DNAH14: variants seen among roughly 807,000 people sequenced by gnomAD.
DNAH14 encodes the protein axonemal beta dynein heavy chain 14.
Under a neutral mutation model 520.9 loss-of-function variants are expected in DNAH14, and 478 were observed. The ratio of observed to expected loss-of-function variants is 0.92; its 90% CI spans 0.85 to 0.99. The LOEUF is 0.99. Ranked by LOEUF, DNAH14 falls within the 50% of genes least tolerant of loss-of-function variation. The probability of loss-of-function intolerance (pLI) is 0.00; values close to 1 mark genes in which losing one functional copy is unlikely to be tolerated. For missense variants in DNAH14, 4,831 were observed against 5,234.5 expected, an observed-to-expected ratio of 0.92 and a Z score of 2.38; for synonymous variants, 1,581 against 1,757.2, an observed-to-expected ratio of 0.90 and a Z score of 2.51.
chr1:225,308,016 G>A (rs1158751842), intron 59 of DNAH14, among the ~76,000 whole-genome samples: 1 of 152,222 alleles, frequency 6.6e-6, no homozygotes, highest in Non-Finnish European at 1.5e-5. Flanking sequence ...ATGGCAGAGA[G>A]CACCAGTGGC....
intron 8 of DNAH14, among the ~76,000 whole-genome samples, chr1:224,994,997 C>T (rs1045234837): frequency 2.6e-5 from 4 of 152,050 alleles, no homozygotes; most frequent in Admixed American, 6.6e-5. Context: ...TGCGTCATTT[C>T]GTAATATGTA....
intron 61 of DNAH14, among the ~76,000 whole-genome samples, chr1:225,320,902 A>C (rs2150196396): frequency 1.3e-5 from 2 of 152,326 alleles, no homozygotes; most frequent in South Asian, 4.1e-4. Context: ...TTTCCCCTTT[A>C]ATTTAAATTA....
At chr1:225,178,028 G>A (rs182389238) in intron 36 of DNAH14, among the ~76,000 whole-genome samples, 29 of 152,268 alleles carry the variant, frequency 1.9e-4, no homozygotes, top group Admixed American at 1.8e-3. Flanking sequence ...AAGCCACAGG[G>A]GCAGAGCTGT....
intron 40 of DNAH14, 28 bp downstream of exon 40, chr1:225,206,207 C>A: frequency 6.6e-7 from 1 of 1,508,476 alleles, no homozygotes; most frequent in Non-Finnish European, 8.9e-7. Context: ...AATGTTTTAA[C>A]AAAGCAAAAA....
In DNAH14 at chr1:225,144,488, T is replaced by C. The variant is rs2079741088; in HGVS notation, c.4600T>C (p.Cys1534Arg). ...TACTTATGGCTATGAGTACTTGGGC[T>C]GTACCTCAAGATTGGTTATTACGCC... ...SFTYGYEYLG[C>R]TSRLVITPLT... Residue 1534 changes from cysteine to arginine, a missense_variant, in exon 29 of 86, where the codon TGT becomes CGT. Coordinates refer to ENST00000682510, the MANE Select transcript of DNAH14 (RefSeq NM_001367479.1). 1 of 1,551,552 alleles carries C rather than the reference T, an allele frequency of 6.4e-7. No homozygotes were observed. Among genetic ancestry groups the C allele is most frequent in the South Asian group, 1.2e-5 (1 of 84,060 alleles).
chr1:225,126,802 G>T (rs982168681), intron 27 of DNAH14, among the ~76,000 whole-genome samples: 1 of 151,472 alleles, frequency 6.6e-6, no homozygotes, highest in African/African-American at 2.4e-5. Context: ...GTGATGTTAG[G>T]GTGTCAATTT....
At chr1:225,395,467 C>CG (rs2095995128) in intron 84 of DNAH14, among the ~76,000 whole-genome samples, 1 of 151,836 alleles carries the variant, frequency 6.6e-6, no homozygotes, top group Non-Finnish European at 1.5e-5. Flanking sequence ...TGGCGGGCGC[C>CG]TGTAGTCCCA....
intron 27 of DNAH14, among the ~76,000 whole-genome samples, chr1:225,131,749 AAG>A (rs768541857): frequency 1.1e-3 from 175 of 152,292 alleles, no homozygotes; most frequent in Non-Finnish European, 1.8e-3. Context: ...TGGGTCTCAT[AAG>A]AGAGAGGGAA....
chr1:225,336,976 C>T (rs1257867353), intron 66 of DNAH14, among the ~76,000 whole-genome samples: 1 of 152,042 alleles, frequency 6.6e-6, no homozygotes, highest in Non-Finnish European at 1.5e-5. Context: ...GTCTACGAGC[C>T]TTGGAAGCAG....
chr1:225,363,923 T>A (rs1056768925), intron 75 of DNAH14, among the ~76,000 whole-genome samples: 10 of 152,208 alleles, frequency 6.6e-5, no homozygotes, highest in Non-Finnish European at 1.2e-4. Flanking sequence ...CCTTAACATT[T>A]TCTGAAATTT....
At chr1:224,939,555 A>G (rs549959957) in intron 1 of DNAH14, among the ~76,000 whole-genome samples, 15 of 152,112 alleles carry the variant, frequency 9.9e-5, no homozygotes, top group African/African-American at 3.4e-4. Context: ...GTGGTGGTGG[A>G]CGCCTGTTGT....
chr1:225,271,892 A>G lies in DNAH14; in HGVS notation c.7672-14A>G. 6.5e-7 allele frequency: 1 copy of G among 1,535,676 alleles called. No homozygotes were observed. Among genetic ancestry groups the G allele is most frequent in the Admixed American group, 2.2e-5 (1 of 45,606 alleles). On this transcript the variant is annotated splice_polypyrimidine_tract_variant and intron_variant, in intron 50 of 85. Transcript: ENST00000682510. ...AATTTTTGGCAAGCTAAATTATAACATTTCTTTTTAAAGGCTCATTTGGGA... is the reference window on the plus strand; with the variant it reads ...AATTTTTGGCAAGCTAAATTATAACGTTTCTTTTTAAAGGCTCATTTGGGA...
In DNAH14 at chr1:225,097,128, A is replaced by G. The variant is rs1330900734; in HGVS notation, c.3584A>G (p.Asn1195Ser). The G allele has an allele frequency of 6.5e-7, 1 of 1,547,534 alleles. No homozygotes were observed. ...TTTTTATCATTGTAGGATCTTGTGA[A>G]TGAATGGGATCAAAACTTGACTCTC... ...PHIGPIKDLV[N>S]EWDQNLTLFS... The change falls in exon 22 of 86, where the codon AAT becomes AGT. Residue 1195 changes from asparagine (N) to serine (S), a missense_variant. Coordinates refer to ENST00000682510, the MANE Select transcript of DNAH14 (RefSeq NM_001367479.1).
chr1:225,204,924 G>C (rs941289721), intron 39 of DNAH14, among the ~76,000 whole-genome samples: 1 of 152,126 alleles, frequency 6.6e-6, no homozygotes, highest in Non-Finnish European at 1.5e-5. Context: ...GGCACCATTG[G>C]TTTCCTTCAT....
chr1:225,381,063 T>C (rs2095775394), intron 80 of DNAH14, among the ~76,000 whole-genome samples: 1 of 152,208 alleles, frequency 6.6e-6, no homozygotes, highest in African/African-American at 2.4e-5. Context: ...AAATGTTATA[T>C]GAAACTCCAA....
At position 225,204,327 on chromosome 1, in the gene DNAH14, C is replaced by A. The variant is rs1020389057; in HGVS notation, c.5977+54C>A. 5.1e-6 allele frequency: 5 copies of A among 984,638 alleles called. No homozygotes were observed. The Admixed American group carries it at 1.7e-4, about 34-fold the overall frequency. The allele number at this position is 984,638 out of a possible 1,614,324, so 61.0% of individuals were successfully genotyped here. The stretch of plus-strand genomic sequence containing the variant: ...ATTAATATAGAAGACAAACTCTCAA[C>A]CAATATGAGCTATATTTATATGTTT... On this transcript the variant is annotated intron_variant, in intron 39 of 85. Transcript: ENST00000682510.
At chr1:225,336,469 G>C (rs1476379367) in intron 66 of DNAH14, among the ~76,000 whole-genome samples, 7 of 135,830 alleles carry the variant, frequency 5.2e-5, no homozygotes. Context: ...ATAATATAAA[G>C]CAAATATTAA....
At chr1:224,935,187 T>C (rs535247748) in intron 1 of DNAH14, among the ~76,000 whole-genome samples, 1 of 151,760 alleles carries the variant, frequency 6.6e-6, no homozygotes, top group African/African-American at 2.4e-5. Flanking sequence ...GAACAAAGAA[T>C]ATATAAAACA....
At position 225,377,319 on chromosome 1, in the gene DNAH14, A is replaced by G. The variant is rs1049709003; in HGVS notation, c.12599A>G (p.Glu4200Gly). 6.5e-7 allele frequency: 1 copy of G among 1,550,348 alleles called. No individual in the cohort carries two copies. Among genetic ancestry groups the G allele is most frequent in the African/African-American group, 1.4e-5 (1 of 73,014 alleles). ...TCCTTACCTGATGATGACCTTCCCG[A>G]GGTCTTAGGAATACACCCAGAGGCC... ...IQSLPDDDLP[E>G]VLGIHPEAIR... Residue 4200 changes from glutamate (E) to glycine (G), a missense_variant, in exon 79 of 86, where the codon GAG becomes GGG. By Grantham distance (98) the Glu-to-Gly change is moderately conservative. Transcript: ENST00000682510.
Sources: gnomAD v4.1 joint callset for allele counts (sites outside exome capture counted in the v4.1 genomes callset) on GRCh38, gnomAD v4.1.1 for gene constraint, MANE v1.5 for transcripts, NCBI Gene and HGNC (gene_info 2026-07-23, HGNC 2026-07-21) for gene names.